Variants in CA10 observed in about 807,000 individuals in gnomAD.
CA10 encodes the protein carbonic anhydrase 10 (inactive), also known as carbonic anhydrase-related protein 10.
Under a neutral mutation model 44.2 loss-of-function variants are expected in CA10, and 14 were observed. The ratio of observed to expected loss-of-function variants is 0.32; its 90% CI spans 0.21 to 0.50. CA10 has a LOEUF of 0.50. Ranked by LOEUF, CA10 falls within the 20% of genes least tolerant of loss-of-function variation. The pLI is 0.99. For missense variants in CA10, 350 were observed against 409.7 expected (o/e 0.85, Z 1.26); for synonymous variants, 159 against 141.6 (o/e 1.12, Z -0.87).
intron 3 of CA10, chr17:51,762,061 T>C (rs1454509445): frequency 3.3e-5 from 5 of 152,248 alleles, no homozygotes; most frequent in African/African-American, 9.6e-5. Flanking sequence ...GAGCTCTATA[T>C]GGCTGCAACT....
At chr17:51,754,726 C>T (rs1161738598) in intron 3 of CA10, among the ~76,000 whole-genome samples, 4 of 151,806 alleles carry the variant, frequency 2.6e-5, no homozygotes, top group African/African-American at 4.8e-5. Context: ...ACAGAAATAT[C>T]CCAATTAATG....
intron 4 of CA10, among the ~76,000 whole-genome samples, chr17:51,717,802 T>C (rs1567815528): frequency 4.9e-4 from 21 of 42,992 alleles, no homozygotes; most frequent in African/African-American, 1.3e-3. Flanking sequence ...TATATGTGTA[T>C]ATATATACAC....
intron 2 of CA10, among the ~76,000 whole-genome samples, chr17:52,037,339 TAA>T (rs1986647439): frequency 6.6e-6 from 1 of 152,034 alleles, no homozygotes; most frequent in South Asian, 2.1e-4. Context: ...TCCAAGTAGC[TAA>T]GAGAGAATAA....
At chr17:51,748,303 G>A (rs1052846130) in intron 3 of CA10, 2 of 170,028 alleles carry the variant, frequency 1.2e-5, no homozygotes, top group African/African-American at 2.4e-5. Flanking sequence ...ATTCTCAAGC[G>A]TCCTATCTGG....
At chr17:51,650,365 G>C (rs1403038562) in intron 5 of CA10, among the ~76,000 whole-genome samples, 1 of 152,162 alleles carries the variant, frequency 6.6e-6, no homozygotes, top group African/African-American at 2.4e-5. Context: ...ATTTATCTGA[G>C]GGTTGGAAAA....
At chr17:51,674,001 C>T (rs908199155) in intron 4 of CA10, among the ~76,000 whole-genome samples, 2 of 152,182 alleles carry the variant, frequency 1.3e-5, no homozygotes, top group African/African-American at 4.8e-5. Context: ...AACTCTTACT[C>T]ATCCTTCAAA....
At chr17:52,063,189 T>C (rs924708501) in intron 2 of CA10, among the ~76,000 whole-genome samples, 2 of 152,254 alleles carry the variant, frequency 1.3e-5, no homozygotes, top group East Asian at 3.8e-4. Context: ...ACGAGAATGT[T>C]TACCTAATGC....
chr17:52,157,625 C>A, intron 1 of CA10, 101 bp downstream of exon 1: 1 of 1,062,890 alleles, frequency 9.4e-7, no homozygotes. Flanking sequence ...AGGGTCTCGC[C>A]ACCCCTCTCT....
intron 3 of CA10, among the ~76,000 whole-genome samples, chr17:51,751,696 T>C (rs1021480381): frequency 6.6e-6 from 1 of 152,220 alleles, no homozygotes; most frequent in African/African-American, 2.4e-5. Context: ...CTTGTGATGA[T>C]TCACTGGCCT....
At chr17:52,157,538 C>T (rs553056297) in intron 1 of CA10, among the ~76,000 whole-genome samples, 188 bp downstream of exon 1, 2 of 146,064 alleles carry the variant, frequency 1.4e-5, no homozygotes, top group South Asian at 2.2e-4. Context: ...CACCCCCCCC[C>T]GCAAAACACA....
chr17:51,886,330 A>C (rs1360609313), intron 3 of CA10, among the ~76,000 whole-genome samples: 2 of 152,234 alleles, frequency 1.3e-5, no homozygotes, highest in Non-Finnish European at 2.9e-5. Flanking sequence ...GTAATTGAAA[A>C]GTGCAATTGA....
At chr17:51,781,914 T>C (rs1906078321) in intron 3 of CA10, among the ~76,000 whole-genome samples, 1 of 152,222 alleles carries the variant, frequency 6.6e-6, no homozygotes, top group South Asian at 2.1e-4. Flanking sequence ...ATTCCTATTT[T>C]GTAGATGAGG....
intron 3 of CA10, among the ~76,000 whole-genome samples, chr17:51,771,094 AG>A: frequency 7.5e-6 from 1 of 132,674 alleles, no homozygotes. Flanking sequence ...ACTGCTCTCC[AG>A]TCTGGCGACA....
intron 3 of CA10, among the ~76,000 whole-genome samples, chr17:51,869,262 C>A (rs1979699199): frequency 6.6e-6 from 1 of 152,118 alleles, no homozygotes; most frequent in African/African-American, 2.4e-5. Context: ...CAAATCCAAT[C>A]ATAAACCATT....
chr17:51,857,163 A>G (rs1399090311), intron 3 of CA10, among the ~76,000 whole-genome samples: 1 of 152,214 alleles, frequency 6.6e-6, no homozygotes, highest in East Asian at 1.9e-4. Context: ...ATTCCATGAT[A>G]ATATTTAGTG....
intron 4 of CA10, among the ~76,000 whole-genome samples, chr17:51,710,921 CTTTTTTT>C (rs55854155): frequency 3.4e-3 from 285 of 84,500 alleles, no homozygotes; most frequent in Middle Eastern, 0.011. Flanking sequence ...CAACATTTTG[CTTTTTTT>C]TTTTTTTTTT....
At chr17:51,706,311 G>C (rs969482482) in intron 4 of CA10, among the ~76,000 whole-genome samples, 2 of 152,186 alleles carry the variant, frequency 1.3e-5, no homozygotes, top group African/African-American at 2.4e-5. Context: ...TTTGATTCCT[G>C]AGTAAAGCCA....
rs183195007 is a variant in CA10, at chr17:52,049,346, A to G, written c.136+22973T>C. Among the ~76,000 whole-genome samples the G allele has an allele frequency of 4.6e-5, 7 of 152,234 alleles. No homozygotes were observed. The East Asian group carries it at 7.7e-4, about 17-fold the overall frequency. On this transcript the variant is annotated intron_variant, in intron 2 of 8. Coordinates refer to ENST00000451037, the MANE Select transcript of CA10 (RefSeq NM_020178.5). ...GCCTTGAGTAAGTTACTAAACCAGCACATGCCTCCTCTCATAAAATATGGC... is the reference window on the plus strand; with the variant it reads ...GCCTTGAGTAAGTTACTAAACCAGCGCATGCCTCCTCTCATAAAATATGGC...
intron 2 of CA10, among the ~76,000 whole-genome samples, chr17:52,056,751 A>T (rs1567718289): frequency 6.6e-6 from 1 of 151,938 alleles, no homozygotes; most frequent in Non-Finnish European, 1.5e-5. Flanking sequence ...ATTATCATAC[A>T]ACCACCCAGT....
Sources: gnomAD v4.1 joint callset for allele counts (sites outside exome capture counted in the v4.1 genomes callset) on GRCh38, gnomAD v4.1.1 for gene constraint, MANE v1.5 for transcripts, NCBI Gene and HGNC (gene_info 2026-07-23, HGNC 2026-07-21) for gene names.